Variants in KLRG2 observed in about 807,000 individuals in gnomAD.
KLRG2 encodes the protein killer cell lectin-like receptor subfamily G member 2.
In KLRG2, 39 loss-of-function variants were observed where a neutral mutation model predicts 35.4. That is an observed-to-expected ratio of 1.10 (90% CI 0.85 to 1.44). The LOEUF (loss-of-function observed/expected upper bound fraction) is 1.44, where lower values mean the gene tolerates loss of function less well. Ranked by LOEUF, KLRG2 falls within the 40% of genes most tolerant of loss-of-function variation. The pLI is 0.00. For synonymous variants in KLRG2, 283 were observed against 265.8 expected (o/e 1.06, Z -0.63); for missense variants, 632 against 570.9 (o/e 1.11, Z -1.09).
the KLRG2 span, among the ~76,000 whole-genome samples, chr7:139,429,838 C>G: frequency 6.6e-6 from 1 of 152,186 alleles, no homozygotes; most frequent in African/African-American, 2.4e-5. Flanking sequence ...CCTTTCTATT[C>G]CACAAAACTG....
At chr7:139,471,251 G>T (rs532019902) in intron 3 of KLRG2, among the ~76,000 whole-genome samples, 2 of 152,122 alleles carry the variant, frequency 1.3e-5, no homozygotes, top group Non-Finnish European at 2.9e-5. Context: ...ACGAGATAAT[G>T]AGTAAAATTT....
At chr7:139,454,840 TAATAATAATAA>T (rs1477390332) in intron 3 of KLRG2, among the ~76,000 whole-genome samples, 2 of 135,132 alleles carry the variant, frequency 1.5e-5, no homozygotes, top group Non-Finnish European at 3.0e-5. Flanking sequence ...ATAATAATAA[TAATAATAATAA>T]TAATAATAAT....
At chr7:139,456,904 A>G (rs1796486648) in intron 3 of KLRG2, among the ~76,000 whole-genome samples, 1 of 151,212 alleles carries the variant, frequency 6.6e-6, no homozygotes, top group East Asian at 1.9e-4. Context: ...CAGTAGGTCA[A>G]CTCAGTGAAA....
intron 4 of KLRG2, 48 bp downstream of exon 4, chr7:139,454,062 TG>T (rs1395443598): frequency 8.9e-7 from 1 of 1,121,366 alleles, no homozygotes; most frequent in Non-Finnish European, 1.3e-6. Flanking sequence ...TGGGGAGAAA[TG>T]GAGGATCCAG....
the KLRG2 span, among the ~76,000 whole-genome samples, chr7:139,440,119 CTTATT>C: frequency 3.9e-5 from 6 of 151,922 alleles, no homozygotes; most frequent in African/African-American, 1.5e-4. Flanking sequence ...CAAATTTCTA[CTTATT>C]TTAAAGACAG....
the KLRG2 span, among the ~76,000 whole-genome samples, chr7:139,436,887 G>T: frequency 1.3e-5 from 2 of 152,228 alleles, no homozygotes; most frequent in African/African-American, 4.8e-5. Flanking sequence ...CAGGTGGCCA[G>T]TCCCAGCTAG....
chr7:139,453,998 G>A, intron 4 of KLRG2, 113 bp downstream of exon 4: 1 of 757,232 alleles, frequency 1.3e-6, no homozygotes, highest in South Asian at 1.6e-5. Flanking sequence ...GCATGGGCGT[G>A]GGCTGCTTTC....
At chr7:139,446,593 G>A in the KLRG2 span, among the ~76,000 whole-genome samples, 4 of 151,830 alleles carry the variant, frequency 2.6e-5, no homozygotes, top group South Asian at 2.1e-4. Context: ...CGCCCTCCTC[G>A]GCCTCCCAAA....
chr7:139,439,943 A>G, the KLRG2 span, among the ~76,000 whole-genome samples: 1 of 152,236 alleles, frequency 6.6e-6, no homozygotes, highest in Non-Finnish European at 1.5e-5. Flanking sequence ...GTCAGAGTCC[A>G]AAACCAAGGC....
At position 139,483,384 on chromosome 7, in the gene KLRG2, A is replaced by G. The variant is rs1797005468; in HGVS notation, c.259T>C (p.Tyr87His). The G allele has an allele frequency of 6.5e-7, 1 of 1,539,642 alleles. No homozygotes were observed. The highest frequency in any genetic ancestry group is 1.4e-5 in the African/African-American group (1 of 70,664). ...SPRVPPLSLG[Y>H]GVCPEPPSPG... Reference sequence around the variant, plus strand: ...GACGGCGGCTCGGGGCAGACCCCGTAGCCCAGGCTGAGCGGCGGCACGCGC... The same window carrying G: ...GACGGCGGCTCGGGGCAGACCCCGTGGCCCAGGCTGAGCGGCGGCACGCGC... Residue 87 changes from tyrosine to histidine, a missense_variant, in exon 1 of 5, where the codon TAC becomes CAC. Physicochemically the swap from Tyr to His is moderately conservative, Grantham distance 83. Coordinates refer to ENST00000340940, the MANE Select transcript of KLRG2 (RefSeq NM_198508.4).
intron 3 of KLRG2, among the ~76,000 whole-genome samples, chr7:139,474,376 T>C (rs957687264): frequency 3.9e-5 from 6 of 152,168 alleles, no homozygotes; most frequent in African/African-American, 1.4e-4. Context: ...TCACGGAGAA[T>C]TCTGGGGAAA....
At chr7:139,430,669 T>A in the KLRG2 span, among the ~76,000 whole-genome samples, 1 of 152,106 alleles carries the variant, frequency 6.6e-6, no homozygotes, top group Non-Finnish European at 1.5e-5. Context: ...ATTTGAACAT[T>A]CATAGCAGCT....
In KLRG2 at chr7:139,470,609, T is replaced by C. The variant is rs565898159; in HGVS notation, c.1005+9018A>G. Among the ~76,000 whole-genome samples, 51 of 152,074 alleles carry C rather than the reference T, an allele frequency of 3.4e-4. 1 individual carries two copies. The South Asian group carries it at 9.4e-3, about 28-fold the overall frequency. On this transcript the variant is annotated intron_variant, in intron 3 of 4. Transcript: ENST00000340940. ...GATTTTGAGATCAGCCTGGGCAACA[T>C]AGTAAGATTTCATCTCTACAAAAAA... is the stretch of plus-strand genomic sequence containing the variant.
intron 3 of KLRG2, among the ~76,000 whole-genome samples, chr7:139,455,333 T>G (rs1175328523): frequency 6.9e-6 from 1 of 145,140 alleles, no homozygotes; most frequent in South Asian, 2.2e-4. Flanking sequence ...TTTTTTTTTT[T>G]TTTTTTGAGA....
intron 3 of KLRG2, among the ~76,000 whole-genome samples, chr7:139,473,252 G>C (rs1317338241): frequency 6.6e-6 from 1 of 152,172 alleles, no homozygotes; most frequent in Non-Finnish European, 1.5e-5. Flanking sequence ...GTGCATTCCA[G>C]CCTGGGTGAC....
At chr7:139,447,098 G>C in the KLRG2 span, among the ~76,000 whole-genome samples, 1 of 152,156 alleles carries the variant, frequency 6.6e-6, no homozygotes, top group African/African-American at 2.4e-5. Flanking sequence ...GAGCTTAGAT[G>C]ACAGAAAGTC....
Position 139,479,705 on chromosome 7 carries a change from T to G in KLRG2, c.927A>C (p.Ala309=), listed in dbSNP as rs1371869992. 6.2e-7 allele frequency: 1 copy of G among 1,614,090 alleles called. No homozygotes were observed. Among genetic ancestry groups the G allele is most frequent in the Non-Finnish European group, 8.5e-7 (1 of 1,180,010 alleles). The change falls in exon 3 of 5, where the codon GCA becomes GCC. Residue 309 remains alanine (A), a synonymous_variant. Coordinates refer to ENST00000340940, the MANE Select transcript of KLRG2 (RefSeq NM_198508.4). ...GGCTGGCTTCCCAGGCCTGCGCTTC[T>G]GCAGAGAAGTAGTAACAGTGCTCCT... ...LSEEHCYYFS[A]EAQAWEASQA...
the KLRG2 span, among the ~76,000 whole-genome samples, chr7:139,444,632 T>G: frequency 6.6e-6 from 1 of 152,212 alleles, no homozygotes. Flanking sequence ...GAATGGACCA[T>G]GTGGACCCCC....
rs779748703 is a variant in KLRG2 at position 139,483,662 on chromosome 7, G to A, written c.-20C>T. ...CTCCATCCCGCGCGCCCCGCCACCCGGAGACGCTGAGGAGCGCACCTGGGC... is the reference window on the plus strand; with the variant it reads ...CTCCATCCCGCGCGCCCCGCCACCCAGAGACGCTGAGGAGCGCACCTGGGC... On this transcript the variant is annotated 5_prime_UTR_variant, in exon 1 of 5. Transcript: ENST00000340940. The A allele has an allele frequency of 1.4e-6, 2 of 1,477,212 alleles. No homozygotes were observed. The highest frequency in any genetic ancestry group is 2.3e-5 in the Admixed American group (1 of 43,190). The allele number at this position is 1,477,212 out of a possible 1,614,324, so 91.5% of individuals were successfully genotyped here.
Sources: gnomAD v4.1 joint callset for allele counts (sites outside exome capture counted in the v4.1 genomes callset) on GRCh38, gnomAD v4.1.1 for gene constraint, MANE v1.5 for transcripts, NCBI Gene and HGNC (gene_info 2026-07-23, HGNC 2026-07-21) for gene names.